Variants in SHOC2 observed in about 807,000 individuals in gnomAD.
SHOC2 encodes leucine-rich repeat protein SHOC-2.
In SHOC2, 4 loss-of-function variants were observed where a neutral mutation model predicts 50.2. That is an observed-to-expected ratio of 0.08 (90% CI 0.04 to 0.18). SHOC2 has a LOEUF of 0.18. Among genes scored for constraint, SHOC2 ranks in the 10% least tolerant of loss-of-function variants. The pLI is 1.00. For synonymous variants in SHOC2, 218 were observed against 244.5 expected (o/e 0.89, Z 1.01); for missense variants, 388 against 669.6 (o/e 0.58, Z 4.64).
chr10:110,958,221 T>TC (rs1320735638), intron 1 of SHOC2, among the ~76,000 whole-genome samples: 113 of 35,704 alleles, frequency 3.2e-3, no homozygotes, highest in Non-Finnish European at 0.014. Context: ...TCTTTCTTTC[T>TC]TTTTTTTTTT....
At chr10:110,921,118 T>G (rs1348006147) in intron 1 of SHOC2, among the ~76,000 whole-genome samples, 2 of 152,230 alleles carry the variant, frequency 1.3e-5, no homozygotes, top group Non-Finnish European at 2.9e-5. Context: ...GAACTGTTAC[T>G]GTGTACTTGA....
chr10:110,940,268 C>T lies in SHOC2; in HGVS notation c.-235+20611C>T, dbSNP rs551833861. On this transcript the variant is annotated intron_variant, in intron 1 of 8. Coordinates refer to ENST00000369452, the MANE Select transcript of SHOC2 (RefSeq NM_007373.4). ...TCCTAATCTTGTTTCATCATAGTTT[C>T]TTGGGGTTTATGTGTCTAATCTTTA... is the stretch of plus-strand genomic sequence containing the variant. Among the ~76,000 whole-genome samples the T allele has an allele frequency of 5.3e-5, 8 of 152,188 alleles. No individual in the cohort carries two copies. The South Asian group carries it at 1.2e-3, about 24-fold the overall frequency.
Position 111,013,212 on chromosome 10 carries a change from T to G in SHOC2, c.*1394T>G, listed in dbSNP as rs757582531. 1 of 152,144 alleles carries G rather than the reference T, an allele frequency of 6.6e-6. No individual in the cohort carries two copies. Among genetic ancestry groups the G allele is most frequent in the Non-Finnish European group, 1.5e-5 (1 of 67,998 alleles). The allele number at this position is 152,144 out of a possible 1,614,324, so 9.4% of individuals were successfully genotyped here. A position where few individuals can be genotyped will look rare whatever the true frequency, so the allele number is the denominator to read the frequency against. ...CTAAGTCAATTTGATTATTGAGGAGTCTCAGAGCAAGGTGCGTTCTAGATG... is the reference window on the plus strand; with the variant it reads ...CTAAGTCAATTTGATTATTGAGGAGGCTCAGAGCAAGGTGCGTTCTAGATG... On this transcript the variant is annotated 3_prime_UTR_variant, in exon 9 of 9. Coordinates refer to ENST00000369452, the MANE Select transcript of SHOC2 (RefSeq NM_007373.4).
intron 2 of SHOC2, among the ~76,000 whole-genome samples, chr10:110,970,651 C>T (rs556391038): frequency 6.6e-6 from 1 of 151,334 alleles, no homozygotes; most frequent in South Asian, 2.1e-4. Flanking sequence ...GGTACACCCA[C>T]CAACAGTGTA....
chr10:110,963,955 A>T (rs1286486037), intron 1 of SHOC2, among the ~76,000 whole-genome samples, 170 bp from the exon 2 acceptor site: 1 of 152,206 alleles, frequency 6.6e-6, no homozygotes, highest in Non-Finnish European at 1.5e-5. Flanking sequence ...AGGTAGAGCC[A>T]GCCTTATTAA....
intron 1 of SHOC2, chr10:110,936,526 C>G: frequency 1.6e-6 from 1 of 608,630 alleles, no homozygotes; most frequent in South Asian, 1.9e-5. Context: ...TTTACTATTG[C>G]AGTATTTATC....
intron 2 of SHOC2, among the ~76,000 whole-genome samples, chr10:110,969,380 CCTTT>C (rs568867370): frequency 3.7e-4 from 56 of 152,194 alleles, no homozygotes; most frequent in African/African-American, 1.3e-3. Flanking sequence ...CTGATTGGTT[CCTTT>C]GAGTTTCTTG....
At chr10:110,993,964 T>C (rs934798384) in intron 3 of SHOC2, among the ~76,000 whole-genome samples, 1 of 152,210 alleles carries the variant, frequency 6.6e-6, no homozygotes, top group Non-Finnish European at 1.5e-5. Flanking sequence ...TGGAGACTTC[T>C]CTCTGTTAAT....
intron 1 of SHOC2, among the ~76,000 whole-genome samples, chr10:110,956,932 T>C (rs1847476061): frequency 6.6e-6 from 1 of 152,162 alleles, no homozygotes; most frequent in Admixed American, 6.5e-5. Flanking sequence ...GCCTCTTTAA[T>C]TGAAAGAAAA....
At chr10:110,985,948 G>T (rs1276834931) in intron 3 of SHOC2, 183 bp downstream of exon 3, 1 of 585,228 alleles carries the variant, frequency 1.7e-6, no homozygotes, top group Non-Finnish European at 3.0e-6. Flanking sequence ...AAGAAAATAG[G>T]TTTTAGGAAA....
intron 1 of SHOC2, chr10:110,936,608 A>ATTCTTTTTTGGGCTCAGACCAG: frequency 3.5e-6 from 1 of 286,298 alleles, no homozygotes; most frequent in Non-Finnish European, 5.5e-6. Flanking sequence ...TTTTTTTAAC[A>ATTCTTTTTTGGGCTCAGACCAG]GTCTTTATTG....
chr10:110,955,481 A>G (rs1847442062), intron 1 of SHOC2, among the ~76,000 whole-genome samples: 1 of 152,154 alleles, frequency 6.6e-6, no homozygotes, highest in African/African-American at 2.4e-5. Context: ...GTTTTTAGTG[A>G]GATTGGGGGG....
At chr10:111,007,780 A>C in intron 6 of SHOC2, 127 bp downstream of exon 6, 2 of 934,502 alleles carry the variant, frequency 2.1e-6, no homozygotes, top group African/African-American at 1.6e-5. Flanking sequence ...GAACTCACTT[A>C]AACATACAAC....
Position 110,962,715 on chromosome 10 carries a change from A to G in SHOC2, c.-234-1410A>G, listed in dbSNP as rs1847595222. ...CTAAGCTCCACTCCCTATTCTAGGC[A>G]AAACTTTCTTTTTCATGCCACCCAC... is the stretch of plus-strand genomic sequence containing the variant. On this transcript the variant is annotated intron_variant, in intron 1 of 8. Transcript: ENST00000369452. Among the ~76,000 whole-genome samples, 7 of 152,128 alleles carry G rather than the reference A, an allele frequency of 4.6e-5. 1 individual carries two copies. Among genetic ancestry groups the G allele is most frequent in the Admixed American group, 3.9e-4 (6 of 15,274 alleles).
intron 2 of SHOC2, among the ~76,000 whole-genome samples, chr10:110,974,928 A>C (rs1847848263): frequency 1.3e-5 from 2 of 152,104 alleles, no homozygotes; most frequent in South Asian, 4.1e-4. Flanking sequence ...AAAATTTTTT[A>C]TTTTGAACAA....
chr10:110,941,836 G>A (rs1007876402), intron 1 of SHOC2, among the ~76,000 whole-genome samples: 1 of 151,918 alleles, frequency 6.6e-6, no homozygotes, highest in Non-Finnish European at 1.5e-5. Context: ...CGAATTACTA[G>A]TATTTGAAGA....
At position 110,978,173 on chromosome 10, in the gene SHOC2, T is replaced by C. The variant is rs1034823998; in HGVS notation, c.704-7455T>C. 3.9e-5 allele frequency among the ~76,000 whole-genome samples: 6 copies of C among 152,250 alleles called. No homozygotes were observed. In the East Asian group the frequency reaches 1.2e-3, roughly 29 times the overall value. ...GGGCAATCATGGGACTTCTGTTGTT[T>C]TCCTGTGATACAAGGGAATACAGTC... is the stretch of plus-strand genomic sequence containing the variant. On this transcript the variant is annotated intron_variant, in intron 2 of 8. Coordinates refer to ENST00000369452, the MANE Select transcript of SHOC2 (RefSeq NM_007373.4).
At position 111,009,292 on chromosome 10, in the gene SHOC2, T is replaced by G. The variant is rs770071851; in HGVS notation, c.1329T>G (p.Gly443=). 1.9e-6 allele frequency: 3 copies of G among 1,595,150 alleles called. No homozygotes were observed. Among genetic ancestry groups the G allele is most frequent in the Non-Finnish European group, 2.6e-6 (3 of 1,163,296 alleles). Residue 443 remains glycine, a synonymous_variant, in exon 7 of 9, where the codon GGT becomes GGG. Coordinates refer to ENST00000369452, the MANE Select transcript of SHOC2 (RefSeq NM_007373.4). The stretch of plus-strand genomic sequence containing the variant: ...ATCTTCTAAAGAAGCTTCCCCATGG[T>G]CTTGGAAACCTTAGGAAGTTAAGAG... ...SNNLLKKLPH[G]LGNLRKLREL... is the part of the protein sequence containing the mutation.
rs775815588 is a variant in SHOC2, at chr10:110,985,650, G to T, written c.726G>T (p.Thr242=). The T allele has an allele frequency of 6.2e-7, 1 of 1,610,990 alleles. No homozygotes were observed. The highest frequency in any genetic ancestry group is 1.1e-5 in the South Asian group (1 of 90,972). The change falls in exon 3 of 9, where the codon ACG becomes ACT. Residue 242 remains threonine (T), a synonymous_variant. Transcript: ENST00000369452. Reference sequence around the variant, plus strand: ...CAGGTGAATTATGTAACCTCATTACGCTGGATGTAGCTCACAATCAACTTG... The same window carrying T: ...CAGGTGAATTATGTAACCTCATTACTCTGGATGTAGCTCACAATCAACTTG... The part of the protein sequence containing the change: ...AEIGELCNLI[T]LDVAHNQLEH...
Sources: allele counts gnomAD v4.1 joint callset (sites outside exome capture counted in the v4.1 genomes callset), GRCh38; gene constraint gnomAD v4.1.1; transcripts MANE v1.5; gene names NCBI Gene and HGNC (gene_info 2026-07-23, HGNC 2026-07-21).